Variants in TTC27 observed in about 807,000 individuals in gnomAD.
The protein encoded by TTC27 is tetratricopeptide repeat protein 27.
Under a neutral mutation model 115.9 loss-of-function variants are expected in TTC27, and 79 were observed. The ratio of observed to expected loss-of-function variants is 0.68; its 90% CI spans 0.57 to 0.82. TTC27 has a LOEUF of 0.82. Among genes scored for constraint, TTC27 ranks in the 40% least tolerant of loss-of-function variants. TTC27 has a pLI of 0.00. For synonymous variants in TTC27, 401 were observed against 356.0 expected (o/e 1.13, Z -1.42); for missense variants, 1,054 against 993.1 (o/e 1.06, Z -0.82).
At chr2:32,660,836 C>A (rs1245919271) in intron 5 of TTC27, among the ~76,000 whole-genome samples, 1 of 152,160 alleles carries the variant, frequency 6.6e-6, no homozygotes, top group African/African-American at 2.4e-5. Flanking sequence ...GACATGAAGT[C>A]TTTGCCCATG....
chr2:32,644,529 A>T (rs1015140191), intron 4 of TTC27, among the ~76,000 whole-genome samples: 2 of 151,730 alleles, frequency 1.3e-5, no homozygotes, highest in Non-Finnish European at 2.9e-5. Context: ...CTGCTTAAAA[A>T]CCTGTTTTCC....
rs540331129 is a variant in TTC27, at chr2:32,676,009, C to T, written c.1053-2847C>T. On this transcript the variant is annotated intron_variant, in intron 8 of 19. Coordinates refer to ENST00000317907, the MANE Select transcript of TTC27 (RefSeq NM_017735.5). The stretch of plus-strand genomic sequence containing the variant: ...GTTTCACCATGTTGGCCAAGCTGGT[C>T]TCGAACTCCTGATCTCAGGTGATCT... Among the ~76,000 whole-genome samples, 6 of 152,126 alleles carry T rather than the reference C, an allele frequency of 3.9e-5. No homozygotes were observed. The South Asian group carries it at 1.2e-3, about 32-fold the overall frequency.
chr2:32,727,717 A>G (rs1668156735), intron 10 of TTC27, among the ~76,000 whole-genome samples: 1 of 152,186 alleles, frequency 6.6e-6, no homozygotes, highest in Non-Finnish European at 1.5e-5. Context: ...TGTTAAGATG[A>G]TGCCACTCTT....
intron 5 of TTC27, among the ~76,000 whole-genome samples, chr2:32,661,399 G>T (rs1039099614): frequency 6.6e-6 from 1 of 152,172 alleles, no homozygotes; most frequent in African/African-American, 2.4e-5. Flanking sequence ...TCCTATCCAT[G>T]AGCATGGAAT....
At chr2:32,809,999 C>T (rs1408312452) in intron 16 of TTC27, among the ~76,000 whole-genome samples, 1 of 152,006 alleles carries the variant, frequency 6.6e-6, no homozygotes, top group Non-Finnish European at 1.5e-5. Context: ...CACCTGTAGT[C>T]CCAGCTACTT....
chr2:32,684,991 C>T (rs1666579558), intron 9 of TTC27, among the ~76,000 whole-genome samples: 1 of 142,252 alleles, frequency 7.0e-6, no homozygotes, highest in African/African-American at 2.6e-5. Flanking sequence ...CTCGTTGAAA[C>T]TAATTGCTCT....
chr2:32,766,395 CT>C, intron 13 of TTC27: 1 of 275,920 alleles, frequency 3.6e-6, no homozygotes, highest in Non-Finnish European at 7.5e-6. Flanking sequence ...ATGTGTGACT[CT>C]TCCTTTTACT....
intron 14 of TTC27, among the ~76,000 whole-genome samples, chr2:32,781,318 A>G (rs969773646): frequency 1.3e-5 from 2 of 152,078 alleles, no homozygotes; most frequent in Non-Finnish European, 2.9e-5. Flanking sequence ...CTGCTTTGAA[A>G]TCCTGTGCTT....
chr2:32,748,474 T>C (rs1052539298), intron 12 of TTC27, among the ~76,000 whole-genome samples: 3 of 152,198 alleles, frequency 2.0e-5, no homozygotes, highest in African/African-American at 7.2e-5. Flanking sequence ...CATGTCTACT[T>C]ACATCTTTTG....
intron 7 of TTC27, among the ~76,000 whole-genome samples, chr2:32,668,696 C>T (rs1665893477): frequency 1.3e-5 from 2 of 151,944 alleles, no homozygotes. Context: ...TGCTGGGATT[C>T]ACCATGTAAT....
At chr2:32,640,223 A>C in intron 3 of TTC27, 47 bp from the exon 4 acceptor site, 1 of 1,526,734 alleles carries the variant, frequency 6.5e-7, no homozygotes, top group Non-Finnish European at 8.9e-7. Context: ...TATAAAGATT[A>C]ATATTTTGTT....
Position 32,737,468 on chromosome 2 carries a change from T to TAAGC in TTC27, c.1452+658_1452+661dup, listed in dbSNP as rs542712822. On this transcript the variant is annotated intron_variant, in intron 12 of 19. Coordinates refer to ENST00000317907, the MANE Select transcript of TTC27 (RefSeq NM_017735.5). ...ATTTAAAAGACTTAAGTTGAGTACA[T>TAAGC]AAGCAAGCAGAGTAAAGCCCACAAA... Among the ~76,000 whole-genome samples the TAAGC allele has an allele frequency of 8.7e-3, 1,324 of 152,242 alleles. 7 individuals are homozygous for TAAGC. The highest frequency in any genetic ancestry group is 0.013 in the Admixed American group (202 of 15,296).
At chr2:32,777,829 A>G (rs1053737961) in intron 13 of TTC27, 53 bp from the exon 14 acceptor site, 7 of 1,555,720 alleles carry the variant, frequency 4.5e-6, no homozygotes, top group Non-Finnish European at 6.2e-6. Flanking sequence ...TTCAGATTAC[A>G]TTCTGTAAAT....
chr2:32,728,357 G>T (rs1276642279), intron 10 of TTC27, among the ~76,000 whole-genome samples: 2 of 151,916 alleles, frequency 1.3e-5, no homozygotes, highest in Non-Finnish European at 2.9e-5. Flanking sequence ...GCCTCTTAAA[G>T]TTCATCTTTT....
chr2:32,735,681 A>T (rs1378103708), intron 11 of TTC27, among the ~76,000 whole-genome samples: 1 of 152,234 alleles, frequency 6.6e-6, no homozygotes, highest in Non-Finnish European at 1.5e-5. Context: ...TAGCCATATC[A>T]TCTTGGATGT....
At chr2:32,815,438 C>T (rs1336285015) in intron 18 of TTC27, among the ~76,000 whole-genome samples, 2 of 151,522 alleles carry the variant, frequency 1.3e-5, no homozygotes, top group Non-Finnish European at 2.9e-5. Flanking sequence ...AGGGTTTCAC[C>T]GTGTTAGCCA....
At position 32,799,894 on chromosome 2, in the gene TTC27, C is replaced by T. The variant is rs111467311; in HGVS notation, c.1999-11130C>T. ...CAAAAGCTTGAAACCAAAATAAATT[C>T]AGTTAAATAAAATATTTAAATTGGA... On this transcript the variant is annotated intron_variant, in intron 16 of 19. Coordinates refer to ENST00000317907, the MANE Select transcript of TTC27 (RefSeq NM_017735.5). Among the ~76,000 whole-genome samples the T allele has an allele frequency of 9.3e-3, 1,414 of 152,240 alleles. 22 individuals are homozygous for T. The highest frequency in any genetic ancestry group is 0.033 in the African/African-American group (1,357 of 41,534).
At chr2:32,683,914 G>C (rs999032137) in intron 9 of TTC27, among the ~76,000 whole-genome samples, 2 of 152,062 alleles carry the variant, frequency 1.3e-5, no homozygotes, top group Non-Finnish European at 2.9e-5. Flanking sequence ...CCAGCACTTT[G>C]GGAGGCCAAG....
intron 9 of TTC27, among the ~76,000 whole-genome samples, chr2:32,682,668 CT>C (rs3077159): frequency 1.5e-3 from 189 of 127,530 alleles, no homozygotes; most frequent in Middle Eastern, 4.0e-3. Flanking sequence ...TAATAGAAGT[CT>C]TTTTTTTTTT....
Sources: gnomAD v4.1 joint callset for allele counts (sites outside exome capture counted in the v4.1 genomes callset) on GRCh38, gnomAD v4.1.1 for gene constraint, MANE v1.5 for transcripts, NCBI Gene and HGNC (gene_info 2026-07-23, HGNC 2026-07-21) for gene names.